ADAM18: variants seen among roughly 807,000 people sequenced by gnomAD.
ADAM18 encodes ADAM metallopeptidase domain 18, also known as disintegrin and metalloproteinase domain-containing protein 18.
Under a neutral mutation model 94.4 loss-of-function variants are expected in ADAM18, and 117 were observed. That is an observed-to-expected ratio of 1.24 (90% CI 1.07 to 1.45). The LOEUF (loss-of-function observed/expected upper bound fraction) is 1.45. Among genes scored for constraint, ADAM18 ranks in the 40% most tolerant of loss-of-function variants. ADAM18 has a pLI of 0.00. For missense variants in ADAM18, 936 were observed against 880.0 expected (o/e 1.06, Z -0.81); for synonymous variants, 327 against 291.6 (o/e 1.12, Z -1.24).
chr8:39,640,399 T>C (rs1273026015), intron 10 of ADAM18, among the ~76,000 whole-genome samples: 2 of 152,176 alleles, frequency 1.3e-5, no homozygotes, highest in African/African-American at 4.8e-5. Flanking sequence ...ATGATGTATA[T>C]GTACCACATT....
intron 18 of ADAM18, among the ~76,000 whole-genome samples, 154 bp from the exon 19 acceptor site, chr8:39,723,594 G>T (rs1031871172): frequency 6.6e-6 from 1 of 151,436 alleles, no homozygotes; most frequent in African/African-American, 2.4e-5. Flanking sequence ...GAAAAATATA[G>T]CACTGTAGTT....
chr8:39,689,352 T>C (rs545872662), intron 16 of ADAM18, among the ~76,000 whole-genome samples: 2 of 152,352 alleles, frequency 1.3e-5, no homozygotes, highest in African/African-American at 4.8e-5. Flanking sequence ...CTTTAATCTG[T>C]CTTAAGTTAA....
At chr8:39,704,566 A>G (rs995747653) in intron 17 of ADAM18, among the ~76,000 whole-genome samples, 4 of 152,142 alleles carry the variant, frequency 2.6e-5, no homozygotes, top group African/African-American at 9.7e-5. Context: ...TTGCCCTAAT[A>G]CAAAGTAAAT....
chr8:39,711,532 A>T (rs1348644984), intron 18 of ADAM18, among the ~76,000 whole-genome samples: 1 of 152,208 alleles, frequency 6.6e-6, no homozygotes, highest in Non-Finnish European at 1.5e-5. Context: ...ACATGTATGG[A>T]CAAAATGAGA....
intron 13 of ADAM18, among the ~76,000 whole-genome samples, chr8:39,664,145 T>G (rs1820927957): frequency 6.6e-6 from 1 of 152,212 alleles, no homozygotes; most frequent in Non-Finnish European, 1.5e-5. Flanking sequence ...ATGAATTAGG[T>G]GCATTAGCAT....
chr8:39,726,950 C>T (rs1321226622), intron 19 of ADAM18, among the ~76,000 whole-genome samples: 2 of 152,120 alleles, frequency 1.3e-5, no homozygotes, highest in Non-Finnish European at 2.9e-5. Context: ...TATTTACTTA[C>T]CCAATTAGCT....
chr8:39,597,020 C>T (rs1818763426), intron 2 of ADAM18, among the ~76,000 whole-genome samples: 1 of 152,108 alleles, frequency 6.6e-6, no homozygotes, highest in Non-Finnish European at 1.5e-5. Flanking sequence ...TGCACAGCCT[C>T]CCTGACTATC....
chr8:39,689,913 C>A (rs998395756), intron 16 of ADAM18, among the ~76,000 whole-genome samples: 1 of 152,124 alleles, frequency 6.6e-6, no homozygotes. Flanking sequence ...GATCTTTCAC[C>A]TCCCTAGTTC....
intron 16 of ADAM18, among the ~76,000 whole-genome samples, chr8:39,683,204 C>T (rs964172074): frequency 6.6e-6 from 1 of 152,176 alleles, no homozygotes; most frequent in Non-Finnish European, 1.5e-5. Flanking sequence ...TGGCCTCCAT[C>T]CAAAAGACCT....
At chr8:39,639,573 AC>A (rs573731636) in intron 10 of ADAM18, among the ~76,000 whole-genome samples, 161 of 151,998 alleles carry the variant, frequency 1.1e-3, no homozygotes, top group Admixed American at 2.0e-3. Context: ...CCATATTTCG[AC>A]TGCTTCATTC....
chr8:39,692,611 T>C lies in ADAM18; in HGVS notation c.1833T>C (p.Asn611=), dbSNP rs1370354123. 8 of 1,604,138 alleles carry C rather than the reference T, an allele frequency of 5.0e-6. No homozygotes were observed. In the African/African-American group the frequency reaches 1.1e-4, roughly 22 times the overall value. ...TMCGPEMYCV[N]KTCRKVHLMG... is the part of the protein sequence containing the mutation. ...TTGTTTTGTTTTAGTACTGTGTAAA[T>C]AAAACCTGCAGAAAAGTTCATTTAA... The change falls in exon 17 of 20, where the codon AAT becomes AAC. Residue 611 remains asparagine (N), a synonymous_variant. Transcript: ENST00000265707.
At chr8:39,606,402 C>T (rs1465815209) in intron 3 of ADAM18, 40 bp downstream of exon 3, 2 of 1,349,288 alleles carry the variant, frequency 1.5e-6, no homozygotes, top group South Asian at 1.3e-5. Flanking sequence ...AAAGGGAAAG[C>T]TTTAAGTTTA....
chr8:39,640,221 C>T (rs1368281825), intron 10 of ADAM18, among the ~76,000 whole-genome samples: 1 of 152,018 alleles, frequency 6.6e-6, no homozygotes, highest in East Asian at 1.9e-4. Context: ...TGTGTTGTTC[C>T]CCCATGTGTC....
At chr8:39,670,424 C>G (rs1821122483) in intron 14 of ADAM18, among the ~76,000 whole-genome samples, 1 of 152,042 alleles carries the variant, frequency 6.6e-6, no homozygotes, top group African/African-American at 2.4e-5. Context: ...CATTTTTCTT[C>G]TGTTACCAAA....
rs1253061957 is a variant in ADAM18, at chr8:39,661,941, T to TA, written c.1231-1854_1231-1853insA. Among the ~76,000 whole-genome samples, 184 of 149,326 alleles carry TA rather than the reference T, an allele frequency of 1.2e-3. 2 individuals are homozygous for TA. Among genetic ancestry groups the TA allele is most frequent in the African/African-American group, 4.3e-3 (178 of 41,004 alleles). On this transcript the variant is annotated intron_variant, in intron 12 of 19. Transcript: ENST00000265707. ...ATTAGGCTTATTTTATATATATATA[T>TA]TTTATATATATATAAAGGCAACCAG...
rs1014734962 is a variant in ADAM18, at chr8:39,628,779, T to C, written c.523-595T>C. ...GATGTAATAATTGATGATTTATAGGTGATAATCATATGAGTACACAGGGAA... is the reference window on the plus strand; with the variant it reads ...GATGTAATAATTGATGATTTATAGGCGATAATCATATGAGTACACAGGGAA... On this transcript the variant is annotated intron_variant, in intron 6 of 19. Coordinates refer to ENST00000265707, the MANE Select transcript of ADAM18 (RefSeq NM_014237.3). Among the ~76,000 whole-genome samples the C allele has an allele frequency of 1.3e-4, 20 of 152,030 alleles. 1 individual carries two copies. Among genetic ancestry groups the C allele is most frequent in the African/African-American group, 4.3e-4 (18 of 41,436 alleles).
intron 6 of ADAM18, among the ~76,000 whole-genome samples, chr8:39,618,104 A>G (rs1288999839): frequency 3.3e-5 from 5 of 152,242 alleles, no homozygotes; most frequent in African/African-American, 9.6e-5. Flanking sequence ...GATGAAAAGT[A>G]TATATTTAAT....
At chr8:39,606,409 T>C in intron 3 of ADAM18, 47 bp downstream of exon 3, 1 of 1,293,022 alleles carries the variant, frequency 7.7e-7, no homozygotes, top group South Asian at 1.3e-5. Flanking sequence ...AAGCTTTAAG[T>C]TTAGATTTTA....
intron 6 of ADAM18, among the ~76,000 whole-genome samples, chr8:39,615,114 A>G (rs983258285): frequency 6.6e-6 from 1 of 152,160 alleles, no homozygotes; most frequent in Non-Finnish European, 1.5e-5. Flanking sequence ...GACCTAACAT[A>G]CATCTACAAA....
Sources: gnomAD v4.1 joint callset for allele counts (sites outside exome capture counted in the v4.1 genomes callset) on GRCh38, gnomAD v4.1.1 for gene constraint, MANE v1.5 for transcripts, NCBI Gene and HGNC (gene_info 2026-07-23, HGNC 2026-07-21) for gene names.